The following PAMR1 variants were observed in gnomAD, a reference collection of about 807,000 sequenced individuals.
PAMR1 encodes peptidase domain containing associated with muscle regeneration 1.
A neutral mutation model predicts 81.8 loss-of-function variants in PAMR1; 88 were observed. That is an observed-to-expected ratio of 1.08 (90% CI 0.91 to 1.28). PAMR1 has a LOEUF of 1.28. Among genes scored for constraint, PAMR1 ranks in the 50% most tolerant of loss-of-function variants. The pLI is 0.00. For missense variants in PAMR1, 935 were observed against 919.7 expected (o/e 1.02, Z -0.21); for synonymous variants, 336 against 345.3 (o/e 0.97, Z 0.30).
chr11:35,451,750 G>T, intron 6 of PAMR1: 1 of 514,254 alleles, frequency 1.9e-6, no homozygotes, highest in Non-Finnish European at 3.5e-6. Flanking sequence ...GGGCATTTGG[G>T]AGTAGATTAG....
chr11:35,451,989 C>G, intron 6 of PAMR1: 2 of 631,518 alleles, frequency 3.2e-6, no homozygotes, highest in Non-Finnish European at 2.8e-6. Context: ...ATGGTATTCT[C>G]TTGTAGCAGC....
chr11:35,493,087 C>T (rs1445168592), intron 2 of PAMR1, among the ~76,000 whole-genome samples: 6 of 152,228 alleles, frequency 3.9e-5, no homozygotes, highest in Admixed American at 1.3e-4. Context: ...CCTCTCCTAT[C>T]CCACCCGATA....
Position 35,435,997 on chromosome 11 carries a change from C to T in PAMR1, c.1239G>A (p.Glu413=), listed in dbSNP as rs1291443717. The part of the protein sequence containing the change: ...YQHLHTQLQY[E]CISPFYRRLG... Reference sequence around the variant, plus strand: ...GGCGGCGGTAGAAGGGTGAGATGCACTCATACTGGAGCTGGGTATGCAGAT... The same window carrying T: ...GGCGGCGGTAGAAGGGTGAGATGCATTCATACTGGAGCTGGGTATGCAGAT... Residue 413 remains glutamate, a synonymous_variant, in exon 9 of 11, where the codon GAG becomes GAA. Transcript: ENST00000619888. 1.9e-6 allele frequency: 3 copies of T among 1,614,182 alleles called. No individual in the cohort carries two copies. In the South Asian group the frequency reaches 3.3e-5, roughly 18 times the overall value.
intron 3 of PAMR1, among the ~76,000 whole-genome samples, chr11:35,484,671 G>C (rs1197781442): frequency 6.6e-6 from 1 of 152,200 alleles, no homozygotes; most frequent in Non-Finnish European, 1.5e-5. Context: ...TGACTAAGAA[G>C]ATAAATGTAT....
At position 35,525,539 on chromosome 11, in the gene PAMR1, A is replaced by T; in HGVS notation, c.47T>A (p.Leu16His). Residue 16 changes from leucine (L) to histidine (H), a missense_variant, in exon 1 of 11, where the codon CTC (leucine) becomes CAC (histidine). Transcript: ENST00000619888. ...WTQLGLTFLQ[L>H]LLISSLPREY... ...TCTTGGCAAGGACGAGATGAGAAGG[A>T]GCTGAAGAAAAGTGAGCCCCAACTG... 1.2e-6 allele frequency: 2 copies of T among 1,614,018 alleles called. No individual in the cohort carries two copies. Among genetic ancestry groups the T allele is most frequent in the Non-Finnish European group, 1.7e-6 (2 of 1,179,952 alleles).
intron 7 of PAMR1, among the ~76,000 whole-genome samples, chr11:35,440,420 G>C (rs763009855): frequency 6.6e-6 from 1 of 152,164 alleles, no homozygotes; most frequent in Non-Finnish European, 1.5e-5. Flanking sequence ...GATGAAGGTC[G>C]CTTCTGGCTA....
At chr11:35,522,455 G>A (rs1041111970) in intron 1 of PAMR1, among the ~76,000 whole-genome samples, 1 of 152,156 alleles carries the variant, frequency 6.6e-6, no homozygotes, top group Admixed American at 6.5e-5. Flanking sequence ...CAGAACATTT[G>A]TCTTTTTGTG....
chr11:35,438,881 G>T (rs1396620542), intron 8 of PAMR1, among the ~76,000 whole-genome samples: 1 of 152,160 alleles, frequency 6.6e-6, no homozygotes, highest in Non-Finnish European at 1.5e-5. Flanking sequence ...ATCTCTCTCT[G>T]TTAGGCAAAA....
intron 5 of PAMR1, 138 bp downstream of exon 5, chr11:35,470,463 C>T: frequency 3.0e-6 from 2 of 662,812 alleles, no homozygotes; most frequent in Admixed American, 2.8e-5. Flanking sequence ...TTTCTTTTTT[C>T]TCAGTGTGTA....
In PAMR1 at chr11:35,524,248, C is replaced by T. The variant is rs566509954; in HGVS notation, c.73+1265G>A. 6.6e-5 allele frequency among the ~76,000 whole-genome samples: 10 copies of T among 152,288 alleles called. No individual in the cohort carries two copies. The South Asian group carries it at 1.9e-3, about 28-fold the overall frequency. On this transcript the variant is annotated intron_variant, in intron 1 of 10. Coordinates refer to ENST00000619888, the MANE Select transcript of PAMR1 (RefSeq NM_001001991.3). ...ATTGTCTTTGGGCTGCTCCAGACAC[C>T]ATGGAGGCAAAATTCAAATGAAACA... is the stretch of plus-strand genomic sequence containing the variant.
At chr11:35,501,639 A>G (rs1850846208) in intron 1 of PAMR1, among the ~76,000 whole-genome samples, 1 of 152,026 alleles carries the variant, frequency 6.6e-6, no homozygotes, top group African/African-American at 2.4e-5. Context: ...CTAGGCCTAC[A>G]CAGGATCAGG....
chr11:35,491,378 T>G (rs1339054139), intron 3 of PAMR1, among the ~76,000 whole-genome samples: 1 of 152,264 alleles, frequency 6.6e-6, no homozygotes, highest in African/African-American at 2.4e-5. Flanking sequence ...TGCTTCTGAT[T>G]CAAGTTGGAA....
At chr11:35,508,614 G>C (rs1823152559) in intron 1 of PAMR1, among the ~76,000 whole-genome samples, 1 of 147,904 alleles carries the variant, frequency 6.8e-6, no homozygotes, top group African/African-American at 2.5e-5. Context: ...TGCAGGTTTG[G>C]TGTACAGATT....
upstream of PAMR1, chr11:35,525,628 G>C: frequency 6.3e-7 from 1 of 1,586,934 alleles, no homozygotes; most frequent in Non-Finnish European, 8.6e-7. Context: ...GGGAGGGAGA[G>C]GAGGGACCCA....
intron 1 of PAMR1, among the ~76,000 whole-genome samples, chr11:35,518,209 ACCAG>A (rs1436574338): frequency 3.3e-5 from 4 of 122,404 alleles, no homozygotes; most frequent in Non-Finnish European, 5.0e-5. Flanking sequence ...ATTCCTTACC[ACCAG>A]CCATGTCCTC....
intron 6 of PAMR1, chr11:35,452,000 C>G: frequency 5.0e-6 from 3 of 595,248 alleles, no homozygotes; most frequent in Non-Finnish European, 6.0e-6. Flanking sequence ...TTGTAGCAGC[C>G]CAAACTGACT....
intron 1 of PAMR1, among the ~76,000 whole-genome samples, chr11:35,502,951 A>T (rs629328): frequency 0.45 from 68,087 of 152,024 alleles, 15,689 homozygotes; most frequent in East Asian, 0.69. Flanking sequence ...CCCAATGTTT[A>T]CTTTTAGTAG....
In PAMR1 at chr11:35,448,341, AT is replaced by A. The variant is rs141017033; in HGVS notation, c.821-6649del. ...TCAGAGGTTTGGTTCATTCCTTTTC[AT>A]TTTTTTTTTCTCTAATCTTGTCTGC... On this transcript the variant is annotated intron_variant, in intron 6 of 10. Coordinates refer to ENST00000619888, the MANE Select transcript of PAMR1 (RefSeq NM_001001991.3). Among the ~76,000 whole-genome samples, 543 of 144,188 alleles carry A rather than the reference AT, an allele frequency of 3.8e-3. 2 individuals carry two copies. The highest frequency in any genetic ancestry group is 0.012 in the African/African-American group (463 of 39,178). 94.6% of individuals were successfully genotyped at this position (144,188 alleles called of 152,430 possible). A position where few individuals can be genotyped will look rare whatever the true frequency, so the allele number is the denominator to read the frequency against.
chr11:35,493,348 C>T (rs896266739), intron 2 of PAMR1, among the ~76,000 whole-genome samples: 1 of 152,164 alleles, frequency 6.6e-6, no homozygotes, highest in African/African-American at 2.4e-5. Flanking sequence ...TTGCAAAGCA[C>T]TTCAGGATCT....
Sources: allele counts gnomAD v4.1 joint callset (sites outside exome capture counted in the v4.1 genomes callset), GRCh38; gene constraint gnomAD v4.1.1; transcripts MANE v1.5; gene names NCBI Gene and HGNC (gene_info 2026-07-23, HGNC 2026-07-21).